Variants in WDR27 observed in about 807,000 individuals in gnomAD.
The protein encoded by WDR27 is WD repeat domain 27.
In WDR27, 100 loss-of-function variants were observed where a neutral mutation model predicts 114.4. The ratio of observed to expected loss-of-function variants is 0.87; its 90% CI spans 0.74 to 1.03. WDR27 has a LOEUF of 1.03. Among genes scored for constraint, WDR27 ranks in the 50% least tolerant of loss-of-function variants. The pLI, the probability that WDR27 is intolerant of heterozygous loss-of-function variation, is 0.00. For missense variants in WDR27, 1,129 were observed against 1,092.9 expected (o/e 1.03, Z -0.47); for synonymous variants, 449 against 423.1 (o/e 1.06, Z -0.75).
At chr6:169,579,274 G>GC (rs1802971984) in intron 24 of WDR27, among the ~76,000 whole-genome samples, 1 of 152,186 alleles carries the variant, frequency 6.6e-6, no homozygotes, top group South Asian at 2.1e-4. Flanking sequence ...AGAAGAGAGA[G>GC]CCTTAAGCCA....
At chr6:169,636,772 T>G (rs1214459717) in intron 18 of WDR27, among the ~76,000 whole-genome samples, 1 of 152,222 alleles carries the variant, frequency 6.6e-6, no homozygotes, top group Non-Finnish European at 1.5e-5. Context: ...GTAAACATAC[T>G]AAGTACCAAA....
At chr6:169,454,789 C>T (rs114658193), downstream of WDR27, among the ~76,000 whole-genome samples, 10 of 152,188 alleles carry the variant, frequency 6.6e-5, no homozygotes, top group Admixed American at 6.5e-4. Flanking sequence ...CCTGTAATCA[C>T]GGAGACAGCA....
intron 25 of WDR27, among the ~76,000 whole-genome samples, chr6:169,569,202 A>G (rs534866072): frequency 2.1e-4 from 32 of 151,848 alleles, no homozygotes; most frequent in African/African-American, 7.7e-4. Flanking sequence ...AAAATTATTT[A>G]TGGTTTATTT....
intron 25 of WDR27, among the ~76,000 whole-genome samples, chr6:169,470,809 G>GT (rs1400198479): frequency 1.3e-5 from 2 of 152,134 alleles, no homozygotes; most frequent in Non-Finnish European, 2.9e-5. Flanking sequence ...AAATTTTGGG[G>GT]TAAAGGAGCA....
In WDR27 at chr6:169,634,543, G is replaced by A. The variant is rs752571948; in HGVS notation, c.2004-18C>T. ...GTTTATATCTGGAAGAGAAAATCAA[G>A]ATGATCAATATTTTTGCTTTCCTTC... On this transcript the variant is annotated intron_variant, in intron 19 of 25. Transcript: ENST00000448612. 4 of 1,575,376 alleles carry A rather than the reference G, an allele frequency of 2.5e-6. No individual in the cohort carries two copies. Among genetic ancestry groups the A allele is most frequent in the Non-Finnish European group, 3.5e-6 (4 of 1,153,650 alleles).
intron 25 of WDR27, among the ~76,000 whole-genome samples, chr6:169,465,048 C>T (rs1041110051): frequency 2.0e-5 from 3 of 151,354 alleles, no homozygotes; most frequent in Non-Finnish European, 4.4e-5. Flanking sequence ...CACCTGAGGT[C>T]AGGAGTTCAA....
At chr6:169,604,319 G>T (rs1381512368) in intron 22 of WDR27, among the ~76,000 whole-genome samples, 1 of 152,060 alleles carries the variant, frequency 6.6e-6, no homozygotes, top group Non-Finnish European at 1.5e-5. Context: ...AGACTATAAT[G>T]AAAAACTACA....
intron 24 of WDR27, among the ~76,000 whole-genome samples, chr6:169,573,001 C>A (rs1801699757): frequency 7.3e-6 from 1 of 136,678 alleles, no homozygotes; most frequent in Admixed American, 7.2e-5. Context: ...GCGCCGCATA[C>A]CAGCCCCCAA....
At chr6:169,533,170 C>T (rs1795795401) in intron 25 of WDR27, among the ~76,000 whole-genome samples, 1 of 151,872 alleles carries the variant, frequency 6.6e-6, no homozygotes, top group South Asian at 2.1e-4. Context: ...TGAGGATTAG[C>T]AAGGGAGGTA....
At position 169,667,207 on chromosome 6, in the gene WDR27, T is replaced by C. The variant is rs369113786; in HGVS notation, c.661-20A>G. 3.9e-4 allele frequency: 584 copies of C among 1,494,850 alleles called. 1 individual carries two copies. In the African/African-American group the frequency reaches 6.1e-3, roughly 16 times the overall value. The allele number at this position is 1,494,850 out of a possible 1,614,324, so 92.6% of individuals were successfully genotyped here. On this transcript the variant is annotated intron_variant, in intron 5 of 25. Transcript: ENST00000448612. ...CCAGACCTTTGGATAAACACAGGAT[T>C]CTTTAGAAGAGGTAACAACGTTGCC...
chr6:169,519,606 A>G (rs2128061999), intron 25 of WDR27, among the ~76,000 whole-genome samples: 1 of 152,202 alleles, frequency 6.6e-6, no homozygotes, highest in South Asian at 2.1e-4. Flanking sequence ...GCCATGAGAG[A>G]TCTGCCCTCA....
intron 25 of WDR27, among the ~76,000 whole-genome samples, chr6:169,496,649 C>T (rs1331282664): frequency 6.6e-6 from 1 of 152,060 alleles, no homozygotes; most frequent in Admixed American, 6.5e-5. Flanking sequence ...TACCAACCAT[C>T]ACCACTATGA....
At chr6:169,701,298 TAATC>T (rs1410094313) in intron 1 of WDR27, among the ~76,000 whole-genome samples, 1 of 152,072 alleles carries the variant, frequency 6.6e-6, no homozygotes, top group Non-Finnish European at 1.5e-5. Flanking sequence ...CTTTTAGTGA[TAATC>T]AAGTCAGAAA....
intron 1 of WDR27, among the ~76,000 whole-genome samples, chr6:169,693,354 A>C (rs747221503): frequency 6.6e-6 from 1 of 152,250 alleles, no homozygotes; most frequent in Non-Finnish European, 1.5e-5. Flanking sequence ...ATCTTGAAAC[A>C]AAACCTTGAA....
chr6:169,543,990 A>G (rs1797129650), intron 25 of WDR27, among the ~76,000 whole-genome samples: 1 of 152,256 alleles, frequency 6.6e-6, no homozygotes, highest in African/African-American at 2.4e-5. Context: ...TGACCACATC[A>G]ACAAGCTAAA....
chr6:169,639,330 A>G (rs141756212), intron 17 of WDR27, among the ~76,000 whole-genome samples: 2 of 152,322 alleles, frequency 1.3e-5, no homozygotes, highest in Non-Finnish European at 2.9e-5. Flanking sequence ...AAGAAGTTCA[A>G]CATTATGTGT....
chr6:169,619,835 G>A (rs1418373520), intron 21 of WDR27, among the ~76,000 whole-genome samples: 1 of 152,162 alleles, frequency 6.6e-6, no homozygotes. Context: ...AGGATTGGGA[G>A]GGCCTGGAAG....
intron 25 of WDR27, among the ~76,000 whole-genome samples, chr6:169,533,607 A>T (rs1186064835): frequency 6.6e-6 from 1 of 152,170 alleles, no homozygotes; most frequent in African/African-American, 2.4e-5. Flanking sequence ...GGGAATGAGC[A>T]GAGATCCCAC....
At chr6:169,680,417 C>T (rs901974298) in intron 2 of WDR27, among the ~76,000 whole-genome samples, 6 of 152,100 alleles carry the variant, frequency 3.9e-5, no homozygotes, top group Non-Finnish European at 5.9e-5. Context: ...CCTGTCTCTA[C>T]TAAAAATACA....
Sources: gnomAD v4.1 joint callset for allele counts (sites outside exome capture counted in the v4.1 genomes callset) on GRCh38, gnomAD v4.1.1 for gene constraint, MANE v1.5 for transcripts, NCBI Gene and HGNC (gene_info 2026-07-23, HGNC 2026-07-21) for gene names.